KLHL13: variants seen among roughly 807,000 people sequenced by gnomAD.
The protein encoded by KLHL13 is kelch-like protein 13.
A neutral mutation model predicts 37.1 loss-of-function variants in KLHL13; 10 were observed. The ratio of observed to expected loss-of-function variants is 0.27; its 90% confidence interval spans 0.17 to 0.46. KLHL13 has a LOEUF of 0.46. Ranked by LOEUF, KLHL13 falls within the 20% of genes least tolerant of loss-of-function variation. The pLI is 1.00. For synonymous variants in KLHL13, 163 were observed against 181.2 expected (o/e 0.90, Z 0.81); for missense variants, 360 against 509.3 (o/e 0.71, Z 2.82).
At chrX:118,059,080 A>G (rs1335994924) in intron 1 of KLHL13, among the ~76,000 whole-genome samples, 1 of 111,676 alleles carries the variant, frequency 9.0e-6, no homozygotes, top group Non-Finnish European at 1.9e-5. Flanking sequence ...AAAATGCAAA[A>G]GCTGTTCAAG....
chrX:118,031,867 C>G (rs1022815542), intron 1 of KLHL13, among the ~76,000 whole-genome samples: 1 of 108,454 alleles, frequency 9.2e-6, no homozygotes, highest in Admixed American at 1.0e-4. Flanking sequence ...TCAGTGGGTG[C>G]AGGCCAGTGG....
At chrX:117,919,320 G>A (rs1330685938) in intron 4 of KLHL13, among the ~76,000 whole-genome samples, 5 of 111,916 alleles carry the variant, frequency 4.5e-5, no homozygotes, top group South Asian at 3.8e-4. Flanking sequence ...CACGATGCCC[G>A]GCCAACACAG....
At chrX:117,934,686 AATATAAT>A (rs1456378145) in intron 2 of KLHL13, among the ~76,000 whole-genome samples, 1 of 110,266 alleles carries the variant, frequency 9.1e-6, no homozygotes, top group Non-Finnish European at 1.9e-5. Flanking sequence ...ACATATATGT[AATATAAT>A]ATATATGTGT....
chrX:118,027,676 C>G (rs1284532913), intron 1 of KLHL13, among the ~76,000 whole-genome samples: 2 of 109,506 alleles, frequency 1.8e-5, no homozygotes, highest in Admixed American at 9.9e-5. Flanking sequence ...CACACACTTT[C>G]ATACATGCCC....
At chrX:117,966,508 C>A (rs1309610170) in intron 1 of KLHL13, among the ~76,000 whole-genome samples, 1 of 111,239 alleles carries the variant, frequency 9.0e-6, no homozygotes, top group East Asian at 2.8e-4. Flanking sequence ...AGATTCAATG[C>A]CATCCCCATC....
chrX:117,944,303 A>AT (rs1174790462), intron 2 of KLHL13, among the ~76,000 whole-genome samples: 1 of 111,299 alleles, frequency 9.0e-6, no homozygotes. Context: ...CCTGACTCAC[A>AT]TATCTATTGA....
chrX:118,041,238 A>G (rs2054503468), intron 1 of KLHL13, among the ~76,000 whole-genome samples: 1 of 112,282 alleles, frequency 8.9e-6, no homozygotes, highest in African/African-American at 3.2e-5. Context: ...TATAAATAGA[A>G]ACATCAGGCC....
At chrX:118,028,913 C>T (rs1233909100) in intron 1 of KLHL13, among the ~76,000 whole-genome samples, 1 of 111,789 alleles carries the variant, frequency 8.9e-6, no homozygotes, top group African/African-American at 3.2e-5. Context: ...GATAAAATTT[C>T]ACACTATCCT....
At chrX:117,970,790 TTTAC>T (rs1235953707) in intron 1 of KLHL13, among the ~76,000 whole-genome samples, 4 of 111,925 alleles carry the variant, frequency 3.6e-5, no homozygotes, top group East Asian at 5.5e-4. Flanking sequence ...TCTGTGCATA[TTTAC>T]TTACTATTAA....
chrX:118,017,186 C>T (rs2054135994), intron 1 of KLHL13, among the ~76,000 whole-genome samples: 2 of 111,258 alleles, frequency 1.8e-5, no homozygotes, highest in South Asian at 3.8e-4. Context: ...TTAGCATAAA[C>T]ATAAAATGCT....
chrX:117,905,103 T>C (rs1460979878), intron 5 of KLHL13, among the ~76,000 whole-genome samples: 1 of 111,063 alleles, frequency 9.0e-6, no homozygotes, highest in African/African-American at 3.3e-5. Flanking sequence ...TCTAGAAACA[T>C]AGAACGCTGG....
At chrX:117,952,205 G>C (rs912369197) in intron 1 of KLHL13, among the ~76,000 whole-genome samples, 1 of 111,463 alleles carries the variant, frequency 9.0e-6, no homozygotes, top group Admixed American at 9.5e-5. Flanking sequence ...CCAAAACAGA[G>C]ATATAGATCA....
intron 1 of KLHL13, 104 bp from the exon 2 acceptor site, chrX:118,028,601 G>T: frequency 2.5e-6 from 1 of 404,853 alleles, no homozygotes. Flanking sequence ...TTGAATTAAA[G>T]GAAAAATGTA....
chrX:117,908,355 C>T (rs1057434148), intron 5 of KLHL13, among the ~76,000 whole-genome samples: 16 of 109,039 alleles, frequency 1.5e-4, no homozygotes, highest in Admixed American at 8.0e-4. Context: ...CAACCTGTCA[C>T]CTACATTAGG....
intron 1 of KLHL13, among the ~76,000 whole-genome samples, chrX:118,051,886 G>A (rs1236565604): frequency 3.6e-5 from 4 of 111,402 alleles, no homozygotes; most frequent in Non-Finnish European, 7.5e-5. Flanking sequence ...AAACATCATG[G>A]CTGGTGTTTG....
chrX:118,071,515 G>A, intron 1 of KLHL13, among the ~76,000 whole-genome samples: 1 of 111,984 alleles, frequency 8.9e-6, no homozygotes, highest in East Asian at 2.8e-4. Flanking sequence ...CAGTGATGGT[G>A]AGCATTTTTT....
chrX:118,032,440 C>T (rs1286615044), intron 1 of KLHL13, among the ~76,000 whole-genome samples: 2 of 111,861 alleles, frequency 1.8e-5, no homozygotes, highest in East Asian at 2.8e-4. Context: ...ACCCCTGACC[C>T]CCAAGCAGCC....
At chrX:117,925,520 A>G (rs1931960564) in intron 2 of KLHL13, among the ~76,000 whole-genome samples, 1 of 112,241 alleles carries the variant, frequency 8.9e-6, no homozygotes, top group Admixed American at 9.4e-5. Flanking sequence ...TCTTCATTTT[A>G]TTCAAAGGAC....
chrX:117,978,606 A>T (rs1324262378), upstream of KLHL13, among the ~76,000 whole-genome samples: 1 of 110,814 alleles, frequency 9.0e-6, no homozygotes, highest in Non-Finnish European at 1.9e-5. Context: ...AGTGGGCAAA[A>T]ATACAGAGAG....
Sources: gnomAD v4.1 joint callset for allele counts (sites outside exome capture counted in the v4.1 genomes callset) on GRCh38, gnomAD v4.1.1 for gene constraint, MANE v1.5 for transcripts, NCBI Gene and HGNC (gene_info 2026-07-23, HGNC 2026-07-21) for gene names.